Variants in POLR3B observed in about 807,000 individuals in gnomAD.
POLR3B encodes the protein DNA-directed RNA polymerase III subunit RPC2.
In POLR3B, 96 loss-of-function variants were observed where a neutral mutation model predicts 147.4. The ratio of observed to expected loss-of-function variants is 0.65; its 90% CI spans 0.55 to 0.77. POLR3B has a LOEUF of 0.77. Ranked by LOEUF, POLR3B falls within the 30% of genes least tolerant of loss-of-function variation. The probability of loss-of-function intolerance (pLI) is 0.00; values close to 1 mark genes in which losing one functional copy is unlikely to be tolerated. For missense variants in POLR3B, 1,036 were observed against 1,413.5 expected, an observed-to-expected ratio of 0.73 and a Z score of 4.28; for synonymous variants, 461 against 485.9, an observed-to-expected ratio of 0.95 and a Z score of 0.67.
chr12:106,400,995 T>C (rs1053173567), intron 10 of POLR3B, among the ~76,000 whole-genome samples: 5 of 151,804 alleles, frequency 3.3e-5, no homozygotes, highest in African/African-American at 9.7e-5. Context: ...CTGAAGGAAA[T>C]AGAGACACAA....
At chr12:106,428,861 A>G (rs1274873063) in intron 13 of POLR3B, among the ~76,000 whole-genome samples, 1 of 152,216 alleles carries the variant, frequency 6.6e-6, no homozygotes, top group Non-Finnish European at 1.5e-5. Flanking sequence ...ATCGATCTTC[A>G]CTATAACAGT....
intron 4 of POLR3B, 52 bp downstream of exon 4, chr12:106,366,774 T>G: frequency 7.4e-7 from 1 of 1,347,528 alleles, no homozygotes. Context: ...TAACATTTTT[T>G]AAAGTGAGTG....
rs2037876641 is a variant in POLR3B, at chr12:106,457,220, G to T, written c.2376G>T (p.Gly792=). The change falls in exon 21 of 28, where the codon GGG becomes GGT. Residue 792 remains glycine, a synonymous_variant. Transcript: ENST00000228347. The part of the protein sequence containing the change: ...YTNQTFDKVM[G]PMLDAATRKP... ...ATCAGACTTTTGATAAAGTGATGGG[G>T]CCCATGTTGGATGCTGCTACAAGGA... is the stretch of plus-strand genomic sequence containing the variant. 2.5e-6 allele frequency: 4 copies of T among 1,612,636 alleles called. No homozygotes were observed. The highest frequency in any genetic ancestry group is 2.7e-5 in the African/African-American group (2 of 74,878).
At chr12:106,454,236 G>A (rs2037835700) in intron 19 of POLR3B, among the ~76,000 whole-genome samples, 1 of 151,918 alleles carries the variant, frequency 6.6e-6, no homozygotes, top group Admixed American at 6.6e-5. Flanking sequence ...CCCTCAAATG[G>A]GATAATGTAA....
chr12:106,405,572 ACACACAC>A (rs1234196207), intron 10 of POLR3B, among the ~76,000 whole-genome samples: 11 of 151,726 alleles, frequency 7.2e-5, no homozygotes, highest in African/African-American at 2.2e-4. Flanking sequence ...ACACACACAC[ACACACAC>A]AAATATATTT....
intron 7 of POLR3B, 56 bp downstream of exon 7, chr12:106,376,506 G>T: frequency 8.2e-7 from 1 of 1,223,176 alleles, no homozygotes. Context: ...TTCTGCTGCT[G>T]CTGTGGTTTT....
chr12:106,462,861 C>T (rs2037958920), intron 22 of POLR3B, among the ~76,000 whole-genome samples: 2 of 152,128 alleles, frequency 1.3e-5, no homozygotes. Flanking sequence ...CTTCCTGCCA[C>T]CACTGTCATC....
chr12:106,364,209 C>T (rs1344896098), intron 2 of POLR3B, among the ~76,000 whole-genome samples: 4 of 152,150 alleles, frequency 2.6e-5, no homozygotes, highest in African/African-American at 9.7e-5. Flanking sequence ...AGACATAAAC[C>T]ACATCTTAAG....
Position 106,482,529 on chromosome 12 carries a change from C to T in POLR3B, c.2714-13526C>T, listed in dbSNP as rs1223641656. On this transcript the variant is annotated intron_variant, in intron 23 of 27. Transcript: ENST00000228347. ...AGAGAGAGAAGGGGGAGGTGCTACA[C>T]ACTTTAAAACAACCAGTTCCTGTGA... 3.3e-5 allele frequency among the ~76,000 whole-genome samples: 5 copies of T among 152,204 alleles called. No homozygotes were observed. In the South Asian group the frequency reaches 8.3e-4, roughly 25 times the overall value.
chr12:106,446,432 A>AAAAG, intron 19 of POLR3B: 2 of 344,608 alleles, frequency 5.8e-6, no homozygotes, highest in African/African-American at 2.2e-5. Context: ...AAAAAAAAAA[A>AAAAG]AAAGAAAAGA....
At chr12:106,379,036 T>A (rs531761547) in intron 8 of POLR3B, among the ~76,000 whole-genome samples, 1 of 152,362 alleles carries the variant, frequency 6.6e-6, no homozygotes, top group Admixed American at 6.5e-5. Flanking sequence ...AGAATTTCTG[T>A]ACTTTTCTTT....
At chr12:106,477,563 G>A (rs543583273) in intron 23 of POLR3B, among the ~76,000 whole-genome samples, 23 of 151,944 alleles carry the variant, frequency 1.5e-4, no homozygotes, top group Non-Finnish European at 2.6e-4. Context: ...ATATAGTCTC[G>A]TGGTGCACCG....
At chr12:106,403,998 G>A (rs755001946) in intron 10 of POLR3B, among the ~76,000 whole-genome samples, 18 of 151,696 alleles carry the variant, frequency 1.2e-4, no homozygotes, top group Admixed American at 2.0e-4. Flanking sequence ...TGTTGAATCA[G>A]AGAGCAGATA....
intron 1 of POLR3B, among the ~76,000 whole-genome samples, chr12:106,362,538 T>C (rs957683845): frequency 6.6e-6 from 1 of 152,178 alleles, no homozygotes; most frequent in African/African-American, 2.4e-5. Flanking sequence ...ATCTTTGGCA[T>C]CCCTTGGCTT....
chr12:106,508,923 G>A (rs1247764608), intron 27 of POLR3B, among the ~76,000 whole-genome samples: 1 of 152,154 alleles, frequency 6.6e-6, no homozygotes, highest in Non-Finnish European at 1.5e-5. Context: ...CAGACTTTAC[G>A]TATCTCAGTG....
intron 22 of POLR3B, among the ~76,000 whole-genome samples, chr12:106,462,278 C>T (rs911792502): frequency 2.0e-5 from 3 of 152,236 alleles, no homozygotes; most frequent in East Asian, 1.9e-4. Flanking sequence ...GACGGAGTCT[C>T]GCTCTATTGC....
chr12:106,454,716 G>A lies in POLR3B; in HGVS notation c.2293+5G>A. 2 of 1,561,570 alleles carry A rather than the reference G, an allele frequency of 1.3e-6. No individual in the cohort carries two copies. The highest frequency in any genetic ancestry group is 1.8e-6 in the Non-Finnish European group (2 of 1,132,272). On this transcript the variant is annotated splice_donor_5th_base_variant and intron_variant, in intron 20 of 27. Coordinates refer to ENST00000228347, the MANE Select transcript of POLR3B (RefSeq NM_018082.6). The stretch of plus-strand genomic sequence containing the variant: ...ACAAGGCCTCTTTAGACAGAGGTAA[G>A]TGAATTTTCAAAACTAACACCAAAG...
rs568437069 is a variant in POLR3B, at chr12:106,472,022, C to G, written c.2713+8402C>G. Among the ~76,000 whole-genome samples, 16 of 128,432 alleles carry G rather than the reference C, an allele frequency of 1.2e-4. No homozygotes were observed. The East Asian group carries it at 3.1e-3, about 25-fold the overall frequency. 84.3% of individuals were successfully genotyped at this position (128,432 alleles called of 152,430 possible). On this transcript the variant is annotated intron_variant, in intron 23 of 27. Transcript: ENST00000228347. ...TGCTATCCCTCCCCCCTCCCCCTAC[C>G]CCACAACAGTCCCCAGAGTGTGATA...
At chr12:106,507,575 C>T (rs2038709315) in intron 27 of POLR3B, 1 of 254,066 alleles carries the variant, frequency 3.9e-6, no homozygotes, top group South Asian at 4.1e-5. Flanking sequence ...AATTTTTGAA[C>T]TCGAATGCAT....
Sources: gnomAD v4.1 joint callset for allele counts (sites outside exome capture counted in the v4.1 genomes callset) on GRCh38, gnomAD v4.1.1 for gene constraint, MANE v1.5 for transcripts, NCBI Gene and HGNC (gene_info 2026-07-23, HGNC 2026-07-21) for gene names.